CNOT6L: variants seen among roughly 807,000 people sequenced by gnomAD.
CNOT6L encodes the protein CCR4-NOT transcription complex subunit 6-like.
CNOT6L carries 7 observed loss-of-function variants against 64.0 expected under a neutral mutation model. The observed-to-expected ratio is 0.11, with a 90% CI of 0.06 to 0.21. The LOEUF is 0.21. CNOT6L is among the 10% of genes least tolerant of loss of function. The probability of loss-of-function intolerance (pLI) is 1.00; values close to 1 mark genes in which losing one functional copy is unlikely to be tolerated. For synonymous variants in CNOT6L, 193 were observed against 243.4 expected (o/e 0.79, Z 1.93); for missense variants, 245 against 669.0 (o/e 0.37, Z 6.99).
chr4:77,819,074 A>ACACACACACACACACACACACACACC (rs368900394), intron 1 of CNOT6L: 5 of 720,414 alleles, frequency 6.9e-6, no homozygotes, highest in East Asian at 2.7e-5. Context: ...ACACACACAC[A>ACACACACACACACACACACACACACC]CCCCGGAACC....
rs1412275310 is a variant in CNOT6L at position 77,751,191 on chromosome 4, AATT to A, written c.491-2810_491-2808del. 2.6e-5 allele frequency among the ~76,000 whole-genome samples: 4 copies of A among 152,192 alleles called. No homozygotes were observed. The East Asian group carries it at 7.7e-4, about 29-fold the overall frequency. On this transcript the variant is annotated intron_variant, in intron 5 of 11. Transcript: ENST00000504123. ...TAGAAAAATCCAGCAAATACAGAGA[AATT>A]ATTATTTTAAAAGTATCAAATAGAT...
rs1721849422 is a variant in CNOT6L, at chr4:77,726,387, A to C, written c.1253-18T>G. The C allele has an allele frequency of 6.3e-6, 10 of 1,586,534 alleles. No homozygotes were observed. The highest frequency in any genetic ancestry group is 4.4e-5 in the South Asian group (4 of 89,888). On this transcript the variant is annotated intron_variant, in intron 10 of 11. Coordinates refer to ENST00000504123, the MANE Select transcript of CNOT6L (RefSeq NM_144571.3). ...CACAACACCTGGTAGAATAAAGAAGAGACACTTCCATTTAGCATTTAGACC... is the reference window on the plus strand; with the variant it reads ...CACAACACCTGGTAGAATAAAGAAGCGACACTTCCATTTAGCATTTAGACC...
chr4:77,784,012 C>T (rs1729174085), intron 1 of CNOT6L, among the ~76,000 whole-genome samples: 1 of 151,432 alleles, frequency 6.6e-6, no homozygotes. Context: ...TATGAGAAAA[C>T]GTTATTGGTT....
chr4:77,808,313 T>C lies in CNOT6L; in HGVS notation c.5+10991A>G, dbSNP rs982617616. On this transcript the variant is annotated intron_variant, in intron 1 of 11. Transcript: ENST00000504123. ...CCCATCTCCACTAAAAATACAAAAA[T>C]TAGCCGGGTGTGGTGGTGTGCGCCT... 3.3e-5 allele frequency among the ~76,000 whole-genome samples: 5 copies of C among 151,602 alleles called. No homozygotes were observed. In the East Asian group the frequency reaches 7.8e-4, roughly 24 times the overall value.
intron 1 of CNOT6L, among the ~76,000 whole-genome samples, chr4:77,777,571 A>G (rs901601721): frequency 3.5e-4 from 54 of 152,338 alleles, no homozygotes; most frequent in African/African-American, 8.9e-4. Context: ...TTCATATCTA[A>G]CAAGAATAGC....
intron 7 of CNOT6L, among the ~76,000 whole-genome samples, chr4:77,742,661 T>C (rs1403397714): frequency 6.6e-6 from 1 of 152,176 alleles, no homozygotes; most frequent in African/African-American, 2.4e-5. Context: ...GGAATAGTAA[T>C]TTATATATAA....
intron 1 of CNOT6L, among the ~76,000 whole-genome samples, chr4:77,802,898 T>C (rs1731754274): frequency 6.6e-6 from 1 of 152,056 alleles, no homozygotes; most frequent in African/African-American, 2.4e-5. Context: ...CAGAAGAAAA[T>C]GCGGAGAAAA....
At chr4:77,796,912 G>C (rs1327361115) in intron 1 of CNOT6L, among the ~76,000 whole-genome samples, 3 of 151,726 alleles carry the variant, frequency 2.0e-5, no homozygotes, top group Non-Finnish European at 4.4e-5. Flanking sequence ...AAAACCCCAT[G>C]TCTAACAGAG....
chr4:77,744,949 T>C (rs1560584276), intron 6 of CNOT6L, 74 bp from the exon 7 acceptor site: 7 of 1,241,816 alleles, frequency 5.6e-6, no homozygotes, highest in Non-Finnish European at 7.8e-6. Context: ...ATATCATGTG[T>C]ACACCTGCAC....
At position 77,819,246 on chromosome 4, in the gene CNOT6L, G is replaced by A. The variant is rs761168547; in HGVS notation, c.5+58C>T. Reference sequence around the variant, plus strand: ...TCCCTCTCCCACCTCATTTCCCCGGGGACGCGCTCCTCTTCCCAACACTCT... The same window carrying A: ...TCCCTCTCCCACCTCATTTCCCCGGAGACGCGCTCCTCTTCCCAACACTCT... On this transcript the variant is annotated intron_variant, in intron 1 of 11. Coordinates refer to ENST00000504123, the MANE Select transcript of CNOT6L (RefSeq NM_144571.3). 7 of 1,612,960 alleles carry A rather than the reference G, an allele frequency of 4.3e-6. No individual in the cohort carries two copies. The African/African-American group carries it at 9.4e-5, about 22-fold the overall frequency.
intron 4 of CNOT6L, among the ~76,000 whole-genome samples, chr4:77,771,237 T>TGGGAGGCGGAGGTTGCC (rs1351449521): frequency 6.6e-6 from 1 of 151,988 alleles, no homozygotes; most frequent in African/African-American, 2.4e-5. Context: ...CACTTGAACC[T>TGGGAGGCGGAGGTTGCC]GGGAGGCGGA....
intron 1 of CNOT6L, among the ~76,000 whole-genome samples, chr4:77,794,176 A>AAAG (rs1730512195): frequency 6.7e-6 from 1 of 149,078 alleles, no homozygotes; most frequent in African/African-American, 2.5e-5. Flanking sequence ...AAAAAAAAAA[A>AAAG]GATTTTAGAA....
At chr4:77,803,839 G>A (rs1379161505) in intron 1 of CNOT6L, among the ~76,000 whole-genome samples, 1 of 151,946 alleles carries the variant, frequency 6.6e-6, no homozygotes, top group Non-Finnish European at 1.5e-5. Flanking sequence ...GGAGGCCAAG[G>A]CTGCAGTGAG....
At chr4:77,799,919 CTT>C (rs1415422644) in intron 1 of CNOT6L, among the ~76,000 whole-genome samples, 8 of 152,104 alleles carry the variant, frequency 5.3e-5, no homozygotes, top group Admixed American at 5.2e-4. Context: ...AATCCTTCAT[CTT>C]TTTCCTTTTC....
At chr4:77,797,126 A>AAAAAAAAAC (rs59311223) in intron 1 of CNOT6L, among the ~76,000 whole-genome samples, 1 of 150,276 alleles carries the variant, frequency 6.7e-6, no homozygotes. Context: ...AAAAAAAAAA[A>AAAAAAAAAC]CTGCCAAGGA....
chr4:77,793,876 C>A (rs1038243443), intron 1 of CNOT6L, among the ~76,000 whole-genome samples: 1 of 151,812 alleles, frequency 6.6e-6, no homozygotes, highest in Admixed American at 6.6e-5. Flanking sequence ...GCCAGCTGGG[C>A]GCAGTGGCTA....
At chr4:77,733,845 T>C (rs1722685955) in intron 8 of CNOT6L, among the ~76,000 whole-genome samples, 1 of 152,114 alleles carries the variant, frequency 6.6e-6, no homozygotes, top group African/African-American at 2.4e-5. Context: ...TAGATGTCAA[T>C]GCTCTCCCAC....
At chr4:77,759,843 A>C (rs994544072) in intron 4 of CNOT6L, among the ~76,000 whole-genome samples, 1 of 152,178 alleles carries the variant, frequency 6.6e-6, no homozygotes, top group Non-Finnish European at 1.5e-5. Context: ...AAACCAAAAA[A>C]TATGCATTCG....
At chr4:77,805,902 G>A (rs1282253606) in intron 1 of CNOT6L, among the ~76,000 whole-genome samples, 1 of 152,064 alleles carries the variant, frequency 6.6e-6, no homozygotes, top group African/African-American at 2.4e-5. Flanking sequence ...CCAAATTCAG[G>A]CAACGATAGA....
Sources: allele counts gnomAD v4.1 joint callset (sites outside exome capture counted in the v4.1 genomes callset), GRCh38; gene constraint gnomAD v4.1.1; transcripts MANE v1.5; gene names NCBI Gene and HGNC (gene_info 2026-07-23, HGNC 2026-07-21).